The following CTDP1 variants were observed in gnomAD, a reference collection of about 807,000 sequenced individuals.
The protein encoded by CTDP1 is CTD phosphatase 1, also known as RNA polymerase II subunit A C-terminal domain phosphatase.
A neutral mutation model predicts 91.8 loss-of-function variants in CTDP1; 47 were observed. That is an observed-to-expected ratio of 0.51 (90% CI 0.41 to 0.65). The LOEUF is 0.65. Among genes scored for constraint, CTDP1 ranks in the 30% least tolerant of loss-of-function variants. The pLI is 0.00. For synonymous variants in CTDP1, 656 were observed against 598.5 expected (o/e 1.10, Z -1.40); for missense variants, 1,272 against 1,373.7 (o/e 0.93, Z 1.17).
chr18:79,728,852 A>C (rs2086505750), intron 10 of CTDP1, 55 bp from the exon 11 acceptor site: 2 of 1,606,022 alleles, frequency 1.2e-6, no homozygotes, highest in Non-Finnish European at 1.7e-6. Flanking sequence ...TTCGGTGCGG[A>C]AAAGTGCCAT....
chr18:79,710,679 C>T (rs958915933), intron 6 of CTDP1, among the ~76,000 whole-genome samples: 2 of 146,996 alleles, frequency 1.4e-5, no homozygotes, highest in African/African-American at 5.0e-5. Context: ...CACCACCTCG[C>T]CCGGCAATTT....
chr18:79,695,449 A>T (rs1481819748), intron 2 of CTDP1, 141 bp downstream of exon 2: 1 of 744,036 alleles, frequency 1.3e-6, no homozygotes, highest in Admixed American at 2.0e-5. Context: ...TGGGCCCCAT[A>T]CGAGTCACAC....
At chr18:79,717,740 C>T in intron 9 of CTDP1, 64 bp downstream of exon 9, 1 of 1,613,838 alleles carries the variant, frequency 6.2e-7, no homozygotes, top group Non-Finnish European at 8.5e-7. Flanking sequence ...GCTGTTGGTT[C>T]ATGCACCTGG....
downstream of CTDP1, chr18:79,756,348 ACT>A (rs1331196675): frequency 6.6e-6 from 1 of 151,774 alleles, no homozygotes; most frequent in Non-Finnish European, 1.5e-5. Flanking sequence ...CAACTCCCAA[ACT>A]CTGCTGCCCG....
rs1246271450 is a variant in CTDP1, at chr18:79,713,268, G to A, written c.1030+130G>A. 2.0e-6 allele frequency: 2 copies of A among 1,015,704 alleles called. No homozygotes were observed. The highest frequency in any genetic ancestry group is 1.6e-5 in the African/African-American group (1 of 61,648). 62.9% of individuals were successfully genotyped at this position (1,015,704 alleles called of 1,614,324 possible). A position where few individuals can be genotyped will look rare whatever the true frequency, so the allele number is the denominator to read the frequency against. On this transcript the variant is annotated intron_variant, in intron 7 of 12. Transcript: ENST00000613122. The surrounding 1 kb of genome is among the most constrained non-coding windows in gnomAD (Gnocchi z 4.7). ...CTTTTTTTATTTGTGTTTCAGTAGA[G>A]ATTATTGGATTTATTTATAGAGTAC... is the stretch of plus-strand genomic sequence containing the variant.
chr18:79,742,205 A>G (rs1425969435), intron 12 of CTDP1, among the ~76,000 whole-genome samples: 4 of 147,656 alleles, frequency 2.7e-5, no homozygotes, highest in Non-Finnish European at 3.0e-5. Flanking sequence ...AGAGAGAGAG[A>G]GAGGCCTGGC....
At chr18:79,704,364 G>C (rs2085920243) in intron 4 of CTDP1, among the ~76,000 whole-genome samples, 1 of 152,040 alleles carries the variant, frequency 6.6e-6, no homozygotes, top group African/African-American at 2.4e-5. Context: ...GGAGTGGTGT[G>C]TCCACACGCA....
intron 12 of CTDP1, among the ~76,000 whole-genome samples, chr18:79,742,436 A>C (rs547843732): frequency 6.6e-6 from 1 of 152,334 alleles, no homozygotes; most frequent in Admixed American, 6.5e-5. Flanking sequence ...CCTTTCAAAA[A>C]CAAAGGCAGG....
intron 5 of CTDP1, among the ~76,000 whole-genome samples, chr18:79,706,021 G>GC (rs1260365265): frequency 6.6e-6 from 1 of 152,176 alleles, no homozygotes; most frequent in Non-Finnish European, 1.5e-5. Context: ...GGGTTTTACA[G>GC]CCCCCAAGTC....
intron 5 of CTDP1, among the ~76,000 whole-genome samples, chr18:79,705,480 C>T (rs571138760): frequency 7.4e-4 from 113 of 152,056 alleles, no homozygotes; most frequent in African/African-American, 2.4e-3. Context: ...GGATGGTGAC[C>T]GTCTGTCCTT....
chr18:79,696,659 C>T (rs1386042570), intron 3 of CTDP1, among the ~76,000 whole-genome samples: 3 of 151,952 alleles, frequency 2.0e-5, no homozygotes, highest in South Asian at 2.1e-4. Flanking sequence ...GCCTTGTAGC[C>T]GACAGGAGAG....
intron 11 of CTDP1, among the ~76,000 whole-genome samples, chr18:79,730,546 C>G (rs1218359586): frequency 6.6e-6 from 1 of 152,208 alleles, no homozygotes; most frequent in African/African-American, 2.4e-5. Context: ...TCCTTTCTCT[C>G]AGAAATAAAA....
intron 1 of CTDP1, among the ~76,000 whole-genome samples, chr18:79,694,510 CGG>C (rs2085705415): frequency 6.9e-5 from 10 of 144,414 alleles, no homozygotes; most frequent in East Asian, 6.2e-4. Context: ...GTGGGGTGGT[CGG>C]AGCAGCCCGG....
At chr18:79,748,288 T>A (rs908150377) in intron 12 of CTDP1, among the ~76,000 whole-genome samples, 2 of 152,232 alleles carry the variant, frequency 1.3e-5, no homozygotes, top group Non-Finnish European at 2.9e-5. Context: ...AGCAAAGGTT[T>A]TGTGCCACCT....
chr18:79,753,571 A>G (rs2087042444), intron 12 of CTDP1, 81 bp from the exon 13 acceptor site: 2 of 1,609,052 alleles, frequency 1.2e-6, no homozygotes, highest in Non-Finnish European at 1.7e-6. Flanking sequence ...CACGGAAGCC[A>G]CTTCCCAAAT....
upstream of CTDP1, chr18:79,679,404 G>A (rs746979499): frequency 2.6e-5 from 12 of 455,840 alleles, no homozygotes; most frequent in South Asian, 9.3e-5. Context: ...AGTGCGCGAT[G>A]GGAGTGGAGG....
chr18:79,748,162 G>A (rs1189748096), intron 12 of CTDP1, among the ~76,000 whole-genome samples: 6 of 152,196 alleles, frequency 3.9e-5, no homozygotes, highest in African/African-American at 4.8e-5. Flanking sequence ...TATCAGTTGC[G>A]GACATTTACT....
chr18:79,697,454 G>A (rs115231403), intron 3 of CTDP1, among the ~76,000 whole-genome samples: 2,231 of 152,324 alleles, frequency 0.015, 68 homozygotes, highest in African/African-American at 0.051. Context: ...TTCTGAGCGC[G>A]GGAGATTCTG....
chr18:79,700,106 G>T (rs1042621567), intron 4 of CTDP1, among the ~76,000 whole-genome samples: 1 of 152,180 alleles, frequency 6.6e-6, no homozygotes, highest in African/African-American at 2.4e-5. Flanking sequence ...GCCATTCCCT[G>T]TCTCTGTCCC....
Sources: allele counts gnomAD v4.1 joint callset (sites outside exome capture counted in the v4.1 genomes callset), GRCh38; gene constraint gnomAD v4.1.1; non-coding constraint Gnocchi (gnomAD v3.1); transcripts MANE v1.5; gene names NCBI Gene and HGNC (gene_info 2026-07-23, HGNC 2026-07-21).